Variants in SRRM1 observed in about 807,000 individuals in gnomAD.
SRRM1 encodes the protein serine and arginine repetitive matrix 1, also known as serine/arginine repetitive matrix protein 1.
Under a neutral mutation model 110.2 loss-of-function variants are expected in SRRM1, and 19 were observed. The observed-to-expected ratio is 0.17, with a 90% confidence interval of 0.12 to 0.25. The LOEUF is 0.25. Ranked by LOEUF, SRRM1 falls within the 10% of genes least tolerant of loss-of-function variation. The probability of loss-of-function intolerance (pLI) is 1.00; values close to 1 mark genes in which losing one functional copy is unlikely to be tolerated. For synonymous variants in SRRM1, 443 were observed against 414.9 expected, an observed-to-expected ratio of 1.07 and a Z score of -0.82; for missense variants, 918 against 1,145.8, an observed-to-expected ratio of 0.80 and a Z score of 2.87.
At chr1:24,659,050 G>A (rs1665788596) in intron 9 of SRRM1, among the ~76,000 whole-genome samples, 3 of 152,230 alleles carry the variant, frequency 2.0e-5, no homozygotes, top group South Asian at 2.1e-4. Context: ...AAAATTAGCC[G>A]GGCGTGGTTG....
chr1:24,643,447 T>A (rs1230229410), intron 1 of SRRM1, 100 bp downstream of exon 1: 14 of 1,028,536 alleles, frequency 1.4e-5, no homozygotes, highest in Non-Finnish European at 5.3e-6. Flanking sequence ...GAGGGGAGCT[T>A]CGGAGATCTT....
In SRRM1 at chr1:24,646,707, G is replaced by A; in HGVS notation, c.152G>A (p.Trp51Ter). Reference sequence around the variant, plus strand: ...GTAAATTTGGAGGTTATAAAGCCTTGGATAACAAAAAGAGTAACGGAAATC... The same window carrying A: ...GTAAATTTGGAGGTTATAAAGCCTTAGATAACAAAAAGAGTAACGGAAATC... ...SKVNLEVIKP[W>*]ITKRVTEILG... Residue 51 changes from tryptophan to a stop codon, truncating the protein, a stop_gained, in exon 3 of 17, where the codon TGG (tryptophan) becomes TAG (stop). Coordinates refer to ENST00000323848, the MANE Select transcript of SRRM1 (RefSeq NM_005839.4). LOFTEE classifies it high-confidence loss of function. 1 of 1,606,290 alleles carries A rather than the reference G, an allele frequency of 6.2e-7. No individual in the cohort carries two copies. Among genetic ancestry groups the A allele is most frequent in the Non-Finnish European group, 8.5e-7 (1 of 1,177,112 alleles).
chr1:24,672,305 A>C lies in SRRM1; in HGVS notation c.*19A>C, dbSNP rs747195974. On this transcript the variant is annotated 3_prime_UTR_variant, in exon 17 of 17. Coordinates refer to ENST00000323848, the MANE Select transcript of SRRM1 (RefSeq NM_005839.4). The stretch of plus-strand genomic sequence containing the variant: ...GTCTTAGGGGGAAATGTTTGTTATG[A>C]TGTAAATTTTATTTGGTTTGTACGC... 2.6e-6 allele frequency: 4 copies of C among 1,546,004 alleles called. No individual in the cohort carries two copies. The highest frequency in any genetic ancestry group is 3.5e-6 in the Non-Finnish European group (4 of 1,133,782).
intron 1 of SRRM1, 97 bp downstream of exon 1, chr1:24,643,444 G>C: frequency 9.4e-7 from 1 of 1,063,238 alleles, no homozygotes; most frequent in Non-Finnish European, 1.3e-6. Flanking sequence ...AGCGAGGGGA[G>C]CTTCGGAGAT....
chr1:24,649,414 G>C (rs1659276898), intron 4 of SRRM1, among the ~76,000 whole-genome samples: 1 of 152,246 alleles, frequency 6.6e-6, no homozygotes, highest in Admixed American at 6.5e-5. Context: ...CACCTCCTGA[G>C]TTCAAGCGAT....
rs1241225555 is a variant in SRRM1 at position 24,652,483 on chromosome 1, C to A, written c.775C>A (p.Pro259Thr). 2 of 1,605,668 alleles carry A rather than the reference C, an allele frequency of 1.2e-6. No individual in the cohort carries two copies. The highest frequency in any genetic ancestry group is 4.5e-5 in the East Asian group (2 of 44,312). Residue 259 changes from proline to threonine, a missense_variant, in exon 7 of 17, where the codon CCT becomes ACT. Coordinates refer to ENST00000323848, the MANE Select transcript of SRRM1 (RefSeq NM_005839.4). ...KPEPIPEPKE[P>T]SPEKNSKKEK... ...TGAACCTATACCAGAGCCTAAAGAA[C>A]CTTCTCCGGAAAAAAATTCCAAAAA...
At chr1:24,670,655 C>G (rs2148792210) in intron 15 of SRRM1, among the ~76,000 whole-genome samples, 1 of 151,942 alleles carries the variant, frequency 6.6e-6, no homozygotes, top group African/African-American at 2.4e-5. Flanking sequence ...CTACACCTGG[C>G]TGGTTTTTTG....
intron 9 of SRRM1, among the ~76,000 whole-genome samples, chr1:24,660,504 G>A (rs1666623255): frequency 6.6e-6 from 1 of 152,286 alleles, no homozygotes; most frequent in Admixed American, 6.5e-5. Context: ...AGGCATCTTG[G>A]CTGGGCACAG....
intron 8 of SRRM1, chr1:24,654,171 A>T (rs1476314661): frequency 1.9e-6 from 1 of 526,136 alleles, no homozygotes; most frequent in South Asian, 1.7e-5. Context: ...GCTATTTCTT[A>T]TACTGGAGTT....
chr1:24,662,846 T>C (rs1335276008), intron 12 of SRRM1, 42 bp downstream of exon 12: 1 of 1,592,290 alleles, frequency 6.3e-7, no homozygotes, highest in East Asian at 2.2e-5. Flanking sequence ...TGTTCTGTAA[T>C]TGTGATGAAA....
intron 9 of SRRM1, among the ~76,000 whole-genome samples, chr1:24,659,249 G>A (rs1665918498): frequency 6.6e-6 from 1 of 151,844 alleles, no homozygotes; most frequent in African/African-American, 2.4e-5. Flanking sequence ...AAGGCATACT[G>A]GTAAATTCTT....
intron 2 of SRRM1, 137 bp from the exon 3 acceptor site, chr1:24,646,530 A>G: frequency 1.4e-6 from 1 of 698,732 alleles, no homozygotes; most frequent in Non-Finnish European, 2.2e-6. Flanking sequence ...CTCAAAAAAA[A>G]AAAAAAAAAA....
At chr1:24,665,682 C>T (rs1669652520) in intron 12 of SRRM1, among the ~76,000 whole-genome samples, 1 of 152,154 alleles carries the variant, frequency 6.6e-6, no homozygotes, top group South Asian at 2.1e-4. Context: ...CAGTGCACTC[C>T]AGCCTGGGCA....
chr1:24,669,216 G>A lies in SRRM1; in HGVS notation c.1833G>A (p.Lys611=), dbSNP rs895981439. 3.1e-6 allele frequency: 5 copies of A among 1,613,996 alleles called. No homozygotes were observed. Among genetic ancestry groups the A allele is most frequent in the Non-Finnish European group, 4.2e-6 (5 of 1,180,008 alleles). ...GATACTCTCCTTCTCCACCTCCAAA[G>A]AGAAGAACGGCTTCACCTCCTCCCC... ...QRRYSPSPPP[K]RRTASPPPPP... is the part of the protein sequence containing the mutation. The change falls in exon 14 of 17, where the codon AAG becomes AAA. Residue 611 remains lysine (K), a synonymous_variant. Coordinates refer to ENST00000323848, the MANE Select transcript of SRRM1 (RefSeq NM_005839.4).
intron 1 of SRRM1, among the ~76,000 whole-genome samples, chr1:24,645,597 A>G (rs1656995101): frequency 6.6e-6 from 1 of 152,188 alleles, no homozygotes; most frequent in Admixed American, 6.5e-5. Context: ...GCAAGCATGC[A>G]ACTGGCTTTC....
chr1:24,664,606 T>G (rs892679917), intron 12 of SRRM1, among the ~76,000 whole-genome samples: 1 of 152,216 alleles, frequency 6.6e-6, no homozygotes, highest in Non-Finnish European at 1.5e-5. Context: ...CTGTGTTGTT[T>G]TAGGTAATCT....
At position 24,651,409 on chromosome 1, in the gene SRRM1, A is replaced by T; in HGVS notation, c.522A>T (p.Arg174Ser). The T allele has an allele frequency of 6.2e-7, 1 of 1,612,366 alleles. No homozygotes were observed. Among genetic ancestry groups the T allele is most frequent in the Non-Finnish European group, 8.5e-7 (1 of 1,179,348 alleles). The change falls in exon 6 of 17, where the codon AGA becomes AGT. Residue 174 changes from arginine (R) to serine (S), a missense_variant and splice_region_variant. This residue lies in a region of SRRM1 where 456 missense variants were observed against 453.5 expected (regional missense o/e 1.01). Coordinates refer to ENST00000323848, the MANE Select transcript of SRRM1 (RefSeq NM_005839.4). Reference protein sequence around the residue: ...EKRERSRSPRRRKSRSPSPRR... With the variant: ...EKRERSRSPRSRKSRSPSPRR... ...CTGAAAAAAATTACTTTCATCCTAGACGCAAATCCAGATCTCCTTCCCCTA... is the reference window on the plus strand; with the variant it reads ...CTGAAAAAAATTACTTTCATCCTAGTCGCAAATCCAGATCTCCTTCCCCTA...
At chr1:24,644,509 A>G (rs1261566894) in intron 1 of SRRM1, among the ~76,000 whole-genome samples, 1 of 152,248 alleles carries the variant, frequency 6.6e-6, no homozygotes, top group African/African-American at 2.4e-5. Context: ...TTTAGTAAAA[A>G]TATCTTTGGA....
At chr1:24,662,386 G>A (rs1667718192) in intron 11 of SRRM1, among the ~76,000 whole-genome samples, 2 of 152,208 alleles carry the variant, frequency 1.3e-5, no homozygotes, top group South Asian at 2.1e-4. Flanking sequence ...AAATGCTGGG[G>A]TTAAAGGGGT....
Sources: gnomAD v4.1 joint callset for allele counts (sites outside exome capture counted in the v4.1 genomes callset) on GRCh38, gnomAD v4.1.1 for gene constraint, gnomAD v4.1.1 regional missense constraint, MANE v1.5 for transcripts, NCBI Gene and HGNC (gene_info 2026-07-23, HGNC 2026-07-21) for gene names.